Variants in PSTPIP2 observed in about 807,000 individuals in gnomAD.
PSTPIP2 encodes proline-serine-threonine phosphatase interacting protein 2, also known as proline-serine-threonine phosphatase-interacting protein 2.
A neutral mutation model predicts 63.3 loss-of-function variants in PSTPIP2; 33 were observed. That is an observed-to-expected ratio of 0.52 (90% confidence interval 0.40 to 0.70). The LOEUF (loss-of-function observed/expected upper bound fraction) is 0.70, where lower values mean the gene tolerates loss of function less well. Among genes scored for constraint, PSTPIP2 ranks in the 30% least tolerant of loss-of-function variants. The probability of loss-of-function intolerance (pLI) is 0.00; values close to 1 mark genes in which losing one functional copy is unlikely to be tolerated. For synonymous variants in PSTPIP2, 125 were observed against 132.7 expected (o/e 0.94, Z 0.40); for missense variants, 312 against 400.7 (o/e 0.78, Z 1.89).
intron 4 of PSTPIP2, among the ~76,000 whole-genome samples, chr18:46,013,696 T>A (rs1377255131): frequency 6.6e-6 from 1 of 152,110 alleles, no homozygotes. Context: ...ATGACTTATG[T>A]CTTCCATTTC....
chr18:45,992,525 G>A lies in PSTPIP2; in HGVS notation c.742-323C>T, dbSNP rs545199708. The stretch of plus-strand genomic sequence containing the variant: ...TGCAGTGAGCCAAGATCACACCACT[G>A]CACTCCAACCCCAGGCGACAGTGCG... On this transcript the variant is annotated intron_variant, in intron 10 of 14. Transcript: ENST00000409746. Among the ~76,000 whole-genome samples, 64 of 149,082 alleles carry A rather than the reference G, an allele frequency of 4.3e-4. 1 individual carries two copies. The highest frequency in any genetic ancestry group is 3.5e-3 in the Middle Eastern group (1 of 286).
intron 3 of PSTPIP2, among the ~76,000 whole-genome samples, chr18:46,020,684 T>C (rs534835457): frequency 6.6e-6 from 1 of 152,094 alleles, no homozygotes; most frequent in Non-Finnish European, 1.5e-5. Context: ...TTCTAGAACA[T>C]CTTCCTAAAG....
chr18:46,043,308 T>C (rs1434307947), intron 1 of PSTPIP2, among the ~76,000 whole-genome samples: 1 of 149,346 alleles, frequency 6.7e-6, no homozygotes, highest in African/African-American at 2.5e-5. Context: ...GAAGGATTGA[T>C]TGAGCCTGGG....
intron 2 of PSTPIP2, among the ~76,000 whole-genome samples, chr18:46,038,447 C>T (rs1334858634): frequency 1.3e-5 from 2 of 152,132 alleles, no homozygotes; most frequent in African/African-American, 4.8e-5. Context: ...CAGATGTATT[C>T]CAAGGCCATT....
At chr18:46,071,180 C>T (rs776277808) in intron 1 of PSTPIP2, among the ~76,000 whole-genome samples, 4 of 152,094 alleles carry the variant, frequency 2.6e-5, no homozygotes, top group Non-Finnish European at 2.9e-5. Flanking sequence ...CTGCAGCCCA[C>T]GTGGGGTAGA....
chr18:46,017,149 GA>G (rs2051860662), intron 3 of PSTPIP2, among the ~76,000 whole-genome samples: 1 of 151,426 alleles, frequency 6.6e-6, no homozygotes, highest in Admixed American at 6.6e-5. Flanking sequence ...CTTCTTTCTT[GA>G]AAAATAATTT....
chr18:45,998,292 G>T (rs1477908021), intron 8 of PSTPIP2, among the ~76,000 whole-genome samples: 4 of 152,242 alleles, frequency 2.6e-5, no homozygotes, highest in Admixed American at 6.5e-5. Context: ...ATTTCCTGCA[G>T]GATATTCTGG....
chr18:46,008,148 G>A (rs540885016), intron 5 of PSTPIP2, among the ~76,000 whole-genome samples: 1 of 152,214 alleles, frequency 6.6e-6, no homozygotes, highest in South Asian at 2.1e-4. Flanking sequence ...TAACACAAAG[G>A]AATGCAGAAA....
intron 2 of PSTPIP2, among the ~76,000 whole-genome samples, chr18:46,038,991 A>G (rs905968015): frequency 6.6e-6 from 1 of 152,208 alleles, no homozygotes; most frequent in Non-Finnish European, 1.5e-5. Flanking sequence ...GCAAAGTGTG[A>G]GTAAGTTTGA....
intron 9 of PSTPIP2, among the ~76,000 whole-genome samples, chr18:45,996,625 T>TG (rs1568210529): frequency 3.7e-5 from 5 of 135,162 alleles, no homozygotes; most frequent in Non-Finnish European, 8.0e-5. Context: ...ATGAGGAGAG[T>TG]AAAAAAAAAA....
At chr18:45,998,682 A>T in intron 8 of PSTPIP2, 112 bp downstream of exon 8, 1 of 1,052,858 alleles carries the variant, frequency 9.5e-7, no homozygotes, top group Non-Finnish European at 1.4e-6. Flanking sequence ...CCTGCTGAAT[A>T]TCCATATATT....
intron 1 of PSTPIP2, among the ~76,000 whole-genome samples, chr18:46,045,508 T>C (rs1908351334): frequency 6.6e-6 from 1 of 151,658 alleles, no homozygotes; most frequent in African/African-American, 2.4e-5. Context: ...CTGGGGACTG[T>C]TGTGGGGTAG....
chr18:46,014,854 T>C (rs1440060984), intron 4 of PSTPIP2, among the ~76,000 whole-genome samples: 2 of 152,246 alleles, frequency 1.3e-5, no homozygotes, highest in Admixed American at 6.5e-5. Flanking sequence ...ATGTAAATTC[T>C]GGTCCTTAGA....
intron 9 of PSTPIP2, among the ~76,000 whole-genome samples, chr18:45,995,387 G>A (rs2051583608): frequency 6.6e-6 from 1 of 152,172 alleles, no homozygotes; most frequent in Non-Finnish European, 1.5e-5. Flanking sequence ...ATAGGTGTGA[G>A]CCACCGCACC....
intron 9 of PSTPIP2, 75 bp downstream of exon 9, chr18:45,997,674 C>T (rs369221828): frequency 7.1e-6 from 2 of 280,754 alleles, no homozygotes; most frequent in East Asian, 2.2e-4. Flanking sequence ...CTCCCCCCCC[C>T]GTCCTGAGCA....
intron 2 of PSTPIP2, among the ~76,000 whole-genome samples, chr18:46,027,889 G>T (rs180741661): frequency 1.5e-4 from 23 of 152,054 alleles, no homozygotes; most frequent in Middle Eastern, 3.4e-3. Flanking sequence ...GGCCGGGCAC[G>T]GTGGCTCACG....
chr18:46,067,489 C>T (rs934739537), intron 1 of PSTPIP2, among the ~76,000 whole-genome samples: 1 of 125,464 alleles, frequency 8.0e-6, no homozygotes, highest in Non-Finnish European at 1.6e-5. Flanking sequence ...GGCAACAGGG[C>T]GAGACTCTGT....
intron 1 of PSTPIP2, among the ~76,000 whole-genome samples, chr18:46,051,510 C>T (rs1908581963): frequency 6.6e-6 from 1 of 151,976 alleles, no homozygotes; most frequent in African/African-American, 2.4e-5. Context: ...CTGAAAACAA[C>T]ACAGATTATT....
rs200816932 is a variant in PSTPIP2 at position 45,999,652 on chromosome 18, G to A, written c.418-118C>T. The A allele has an allele frequency of 9.6e-6, 9 of 938,626 alleles. No individual in the cohort carries two copies. In the East Asian group the frequency reaches 2.0e-4, roughly 21 times the overall value. The allele number at this position is 938,626 out of a possible 1,614,324, so 58.1% of individuals were successfully genotyped here. A position where few individuals can be genotyped will look rare whatever the true frequency, so the allele number is the denominator to read the frequency against. ...GGGCCGTCTGATTAGTGCTCTGATT[G>A]TCACTAAGCCATGGGCTCCCAGAGG... On this transcript the variant is annotated intron_variant, in intron 6 of 14. Coordinates refer to ENST00000409746, the MANE Select transcript of PSTPIP2 (RefSeq NM_024430.4).
Sources: allele counts gnomAD v4.1 joint callset (sites outside exome capture counted in the v4.1 genomes callset), GRCh38; gene constraint gnomAD v4.1.1; transcripts MANE v1.5; gene names NCBI Gene and HGNC (gene_info 2026-07-23, HGNC 2026-07-21).